Variants in MTAP observed in about 807,000 individuals in gnomAD.
The protein encoded by MTAP is S-methyl-5'-thioadenosine phosphorylase.
MTAP carries 33 observed loss-of-function variants against 33.6 expected under a neutral mutation model. The ratio of observed to expected loss-of-function variants is 0.98; its 90% CI spans 0.74 to 1.31. The LOEUF is 1.31. Ranked by LOEUF, MTAP falls within the 40% of genes most tolerant of loss-of-function variation. MTAP has a pLI of 0.00. For missense variants in MTAP, 367 were observed against 360.0 expected, an observed-to-expected ratio of 1.02 and a Z score of -0.16; for synonymous variants, 148 against 125.7, an observed-to-expected ratio of 1.18 and a Z score of -1.19.
chr9:21,915,055 C>CCTTCCTTCCTTCCTTTCTTCCTTTCTTT (rs1554649248), intron 1 of MTAP, among the ~76,000 whole-genome samples: 1 of 25,858 alleles, frequency 3.9e-5, no homozygotes. Context: ...TTCCTTCCTT[C>CCTTCCTTCCTTCCTTTCTTCCTTTCTTT]CTTTCTTTCT....
At chr9:21,925,750 G>A (rs943086297) in intron 1 of MTAP, among the ~76,000 whole-genome samples, 12 of 123,510 alleles carry the variant, frequency 9.7e-5, no homozygotes, top group Middle Eastern at 3.6e-3. Flanking sequence ...GAAAAGGCCC[G>A]CCACTCCAGC....
At chr9:21,880,576 A>G (rs899219415) in intron 1 of MTAP, among the ~76,000 whole-genome samples, 11 of 152,150 alleles carry the variant, frequency 7.2e-5, no homozygotes, top group Non-Finnish European at 1.3e-4. Flanking sequence ...CAACATTTAT[A>G]TACAAAACTC....
Position 21,862,605 on chromosome 9 carries a change from T to C in MTAP, c.*591T>C, listed in dbSNP as rs1273064572. 6.6e-6 allele frequency: 1 copy of C among 152,182 alleles called. No homozygotes were observed. The highest frequency in any genetic ancestry group is 1.5e-5 in the Non-Finnish European group (1 of 68,054). 9.4% of individuals were successfully genotyped at this position (152,182 alleles called of 1,614,324 possible). A position where few individuals can be genotyped will look rare whatever the true frequency, so the allele number is the denominator to read the frequency against. ...AATAATTGAAACAATCTGAATCCCT[T>C]GCAATTGGAGGTAAATTATGTCTTA... On this transcript the variant is annotated 3_prime_UTR_variant, in exon 8 of 8. Transcript: ENST00000644715.
chr9:21,814,113 T>G (rs951614736), intron 1 of MTAP, among the ~76,000 whole-genome samples: 8 of 152,242 alleles, frequency 5.3e-5, no homozygotes, highest in Non-Finnish European at 1.0e-4. Flanking sequence ...ACAAATTATG[T>G]AACCATGTCA....
intron 1 of MTAP, among the ~76,000 whole-genome samples, chr9:21,914,773 A>C (rs1818645582): frequency 6.8e-6 from 1 of 147,574 alleles, no homozygotes; most frequent in African/African-American, 2.6e-5. Context: ...CTGGAACTTA[A>C]AGTATAATAA....
At chr9:21,861,903 G>GTT (rs11356405) in intron 7 of MTAP, 73 bp from the exon 8 acceptor site, 148 of 746,216 alleles carry the variant, frequency 2.0e-4, no homozygotes, top group South Asian at 3.8e-4. Flanking sequence ...ATCAAAATCT[G>GTT]TTTTTTTTTT....
chr9:21,895,415 CAGA>C (rs1348519646), intron 1 of MTAP, among the ~76,000 whole-genome samples: 1 of 152,194 alleles, frequency 6.6e-6, no homozygotes, highest in Non-Finnish European at 1.5e-5. Flanking sequence ...ATGAGCAATG[CAGA>C]AGACCAGTGA....
intron 5 of MTAP, among the ~76,000 whole-genome samples, chr9:21,851,955 C>T (rs755042729): frequency 6.6e-6 from 1 of 152,106 alleles, no homozygotes; most frequent in Non-Finnish European, 1.5e-5. Flanking sequence ...CTGCAGATGG[C>T]CCATTGTGGG....
chr9:21,910,179 A>T (rs1818547433), intron 1 of MTAP, among the ~76,000 whole-genome samples: 1 of 152,184 alleles, frequency 6.6e-6, no homozygotes, highest in Admixed American at 6.5e-5. Context: ...ATCATTTATT[A>T]AAAATATGTA....
At chr9:21,910,121 A>G (rs1386448920) in intron 1 of MTAP, among the ~76,000 whole-genome samples, 1 of 152,138 alleles carries the variant, frequency 6.6e-6, no homozygotes, top group African/African-American at 2.4e-5. Context: ...TGTAGCAATC[A>G]CCATTGTATA....
chr9:21,818,120 G>A lies in MTAP; in HGVS notation c.265G>A (p.Val89Ile), dbSNP rs1563832249. ...WALKEEGCTH[V>I]IVTTACGSLR... ...TTTGAAGGAAGAGGGCTGTACACAT[G>A]TCATAGTGACCACAGCTTGTGGCTC... is the stretch of plus-strand genomic sequence containing the variant. The change falls in exon 4 of 8, where the codon GTC becomes ATC. Residue 89 changes from valine (V) to isoleucine (I), a missense_variant. By Grantham distance (29) the Val-to-Ile change is conservative. Transcript: ENST00000644715. 2.5e-6 allele frequency: 4 copies of A among 1,614,018 alleles called. No individual in the cohort carries two copies. Among genetic ancestry groups the A allele is most frequent in the East Asian group, 2.2e-5 (1 of 44,858 alleles).
At chr9:21,867,324 T>C (rs924672877), downstream of MTAP, among the ~76,000 whole-genome samples, 2 of 152,188 alleles carry the variant, frequency 1.3e-5, no homozygotes, top group African/African-American at 4.8e-5. Flanking sequence ...TTTTTTCCGT[T>C]TCATGTTTTT....
Position 21,854,814 on chromosome 9 carries a change from T to C in MTAP, c.634T>C (p.Tyr212His). The change falls in exon 6 of 8, where the codon TAC becomes CAC. Residue 212 changes from tyrosine (Y) to histidine (H), a missense_variant. Physicochemically the swap from Tyr to His is moderately conservative, Grantham distance 83. Transcript: ENST00000644715. ...TCTTGCTAAGGAGGCTGGAATTTGTTACGCAAGTATCGCCATGGCGACAGA... is the reference window on the plus strand; with the variant it reads ...TCTTGCTAAGGAGGCTGGAATTTGTCACGCAAGTATCGCCATGGCGACAGA... ...VVLAKEAGIC[Y>H]ASIAMATDYD... 6.2e-7 allele frequency: 1 copy of C among 1,614,166 alleles called. No individual in the cohort carries two copies. The highest frequency in any genetic ancestry group is 8.5e-7 in the Non-Finnish European group (1 of 1,180,004).
intron 5 of MTAP, among the ~76,000 whole-genome samples, chr9:21,846,447 A>G (rs1024196975): frequency 2.0e-5 from 3 of 152,152 alleles, no homozygotes; most frequent in Admixed American, 6.5e-5. Flanking sequence ...AAGTACATGA[A>G]TAGACAATTT....
intron 1 of MTAP, among the ~76,000 whole-genome samples, chr9:21,913,205 C>T (rs1818614343): frequency 6.6e-6 from 1 of 152,138 alleles, no homozygotes; most frequent in African/African-American, 2.4e-5. Context: ...CCATACTGCC[C>T]AAGGTAATTT....
At chr9:21,842,848 A>G (rs1367554046) in intron 5 of MTAP, among the ~76,000 whole-genome samples, 1 of 152,202 alleles carries the variant, frequency 6.6e-6, no homozygotes, top group Non-Finnish European at 1.5e-5. Context: ...CAATAATACA[A>G]TGGTGAAAGA....
At chr9:21,934,440 T>C (rs1409656539), downstream of MTAP, 6 of 152,322 alleles carry the variant, frequency 3.9e-5, no homozygotes, top group South Asian at 1.2e-3. The surrounding 1 kb of genome is among the most constrained non-coding windows in gnomAD (Gnocchi z 5.0). Context: ...TCTTTAAGTT[T>C]GTTGGATTAA....
At chr9:21,938,056 T>C (rs991919656), downstream of MTAP, among the ~76,000 whole-genome samples, 1 of 152,160 alleles carries the variant, frequency 6.6e-6, no homozygotes, top group Non-Finnish European at 1.5e-5. Flanking sequence ...GCTGATTGCC[T>C]GAGCTCAGGA....
chr9:21,803,852 A>T (rs1824133870), intron 1 of MTAP, among the ~76,000 whole-genome samples: 1 of 152,206 alleles, frequency 6.6e-6, no homozygotes, highest in South Asian at 2.1e-4. Flanking sequence ...TTCTGCGGTC[A>T]GTGTGTAATC....
Sources: allele counts gnomAD v4.1 joint callset (sites outside exome capture counted in the v4.1 genomes callset), GRCh38; gene constraint gnomAD v4.1.1; non-coding constraint Gnocchi (gnomAD v3.1); transcripts MANE v1.5; gene names NCBI Gene and HGNC (gene_info 2026-07-23, HGNC 2026-07-21).